DNM3: variants seen among roughly 807,000 people sequenced by gnomAD.
DNM3 encodes dynamin 3.
Under a neutral mutation model 101.6 loss-of-function variants are expected in DNM3, and 47 were observed. That is an observed-to-expected ratio of 0.46 (90% confidence interval 0.37 to 0.59). The LOEUF is 0.59. Ranked by LOEUF, DNM3 falls within the 20% of genes least tolerant of loss-of-function variation. The pLI, the probability that DNM3 is intolerant of heterozygous loss-of-function variation, is 0.00. For synonymous variants in DNM3, 385 were observed against 387.9 expected, an observed-to-expected ratio of 0.99 and a Z score of 0.09; for missense variants, 849 against 1,085.7, an observed-to-expected ratio of 0.78 and a Z score of 3.06.
chr1:172,268,960 G>A (rs2062976962), intron 15 of DNM3, among the ~76,000 whole-genome samples: 1 of 152,134 alleles, frequency 6.6e-6, no homozygotes, highest in Non-Finnish European at 1.5e-5. Flanking sequence ...CATTTTTCTA[G>A]GGGAATCAGG....
rs2059338559 is a variant in DNM3, at chr1:172,181,384, ACACAC to A, written c.1659+50097_1659+50101del. On this transcript the variant is annotated intron_variant, in intron 14 of 20. Coordinates refer to ENST00000627582, the MANE Select transcript of DNM3 (RefSeq NM_015569.5). ...TTAAAACACTTGAGTTTACACACAC[ACACAC>A]ACACACACACACACACACACACACA... Among the ~76,000 whole-genome samples the A allele has an allele frequency of 1.0e-4, 9 of 87,744 alleles. No individual in the cohort carries two copies. The African/African-American group carries it at 1.5e-3, about 14-fold the overall frequency. The allele number at this position is 87,744 out of a possible 152,430, so 57.6% of individuals were successfully genotyped here.
Position 172,022,687 on chromosome 1 carries a change from C to A in DNM3, c.590-9715C>A, listed in dbSNP as rs548160450. ...TTTCCAGAGGCTACCACTTACAATT[C>A]TTTTAGCTATTGATTTTGATAGTTA... On this transcript the variant is annotated intron_variant, in intron 4 of 20. Coordinates refer to ENST00000627582, the MANE Select transcript of DNM3 (RefSeq NM_015569.5). 4.3e-4 allele frequency among the ~76,000 whole-genome samples: 65 copies of A among 152,058 alleles called. 1 individual carries two copies. The highest frequency in any genetic ancestry group is 1.3e-4 in the Non-Finnish European group (9 of 67,890).
chr1:172,364,472 C>A lies in DNM3; in HGVS notation c.1894-14546C>A, dbSNP rs2067904811. The stretch of plus-strand genomic sequence containing the variant: ...GTGGAAGAGCACATTAAATGATATG[C>A]AGGGGATGCAATCAGCCAAATCCAC... On this transcript the variant is annotated intron_variant, in intron 17 of 20. Transcript: ENST00000627582. 2.0e-5 allele frequency among the ~76,000 whole-genome samples: 3 copies of A among 151,664 alleles called. No individual in the cohort carries two copies. The South Asian group carries it at 6.2e-4, about 32-fold the overall frequency.
At chr1:171,957,553 C>A (rs571564964) in intron 2 of DNM3, among the ~76,000 whole-genome samples, 8 of 152,262 alleles carry the variant, frequency 5.3e-5, no homozygotes, top group African/African-American at 1.9e-4. Context: ...AACTTTTATG[C>A]TCTGTTTCCC....
intron 4 of DNM3, among the ~76,000 whole-genome samples, chr1:172,019,237 G>A (rs1350791466): frequency 6.7e-6 from 1 of 148,634 alleles, no homozygotes; most frequent in African/African-American, 2.5e-5. Flanking sequence ...GAGTACTGGT[G>A]CACCAGGATC....
chr1:172,247,169 C>T (rs528334736), intron 14 of DNM3, among the ~76,000 whole-genome samples: 2 of 152,124 alleles, frequency 1.3e-5, no homozygotes, highest in South Asian at 4.2e-4. Flanking sequence ...AGTGGTACTT[C>T]GCGTGTGGTC....
At chr1:172,142,489 T>C (rs2148167310) in intron 14 of DNM3, among the ~76,000 whole-genome samples, 1 of 152,192 alleles carries the variant, frequency 6.6e-6, no homozygotes, top group Non-Finnish European at 1.5e-5. Context: ...ACATCAAGCA[T>C]GTGCAGGAAC....
chr1:172,370,001 C>T (rs1372235773), intron 17 of DNM3, among the ~76,000 whole-genome samples: 1 of 151,790 alleles, frequency 6.6e-6, no homozygotes, highest in African/African-American at 2.4e-5. Context: ...TGGATTAGGG[C>T]CCACCCTAAT....
chr1:172,338,772 T>G, intron 17 of DNM3: 1 of 475,688 alleles, frequency 2.1e-6, no homozygotes, highest in Non-Finnish European at 4.2e-6. Flanking sequence ...TGTACTTTTC[T>G]GCTAAGTAGC....
At chr1:171,998,185 G>T (rs922192855) in intron 4 of DNM3, among the ~76,000 whole-genome samples, 1 of 152,044 alleles carries the variant, frequency 6.6e-6, no homozygotes, top group African/African-American at 2.4e-5. Flanking sequence ...ACTTTATTCA[G>T]CGATAATCAT....
chr1:171,912,860 T>C (rs1237336521), intron 1 of DNM3, among the ~76,000 whole-genome samples: 1 of 152,194 alleles, frequency 6.6e-6, no homozygotes, highest in Non-Finnish European at 1.5e-5. Context: ...CCAGTGATCT[T>C]TTTACTAGTG....
intron 11 of DNM3, among the ~76,000 whole-genome samples, chr1:172,070,152 C>CT (rs1407568527): frequency 2.0e-5 from 3 of 152,294 alleles, no homozygotes; most frequent in African/African-American, 7.2e-5. Flanking sequence ...ATAGTTTTCA[C>CT]TTGTTTACCA....
At chr1:172,003,395 A>C (rs2046471813) in intron 4 of DNM3, among the ~76,000 whole-genome samples, 1 of 152,048 alleles carries the variant, frequency 6.6e-6, no homozygotes, top group South Asian at 2.1e-4. Flanking sequence ...CCATCCCCAG[A>C]ATATATAATT....
At chr1:172,224,152 G>A (rs2061016981) in intron 14 of DNM3, among the ~76,000 whole-genome samples, 1 of 152,052 alleles carries the variant, frequency 6.6e-6, no homozygotes, top group African/African-American at 2.4e-5. Context: ...CAGCCTGATA[G>A]GCTATTCTGC....
intron 11 of DNM3, among the ~76,000 whole-genome samples, chr1:172,076,946 G>C (rs1344614217): frequency 6.6e-6 from 1 of 152,080 alleles, no homozygotes; most frequent in East Asian, 1.9e-4. Context: ...ATCTGGTCCT[G>C]GGCTTTTTTT....
chr1:172,015,323 T>C (rs184356473), intron 4 of DNM3, among the ~76,000 whole-genome samples: 1 of 152,314 alleles, frequency 6.6e-6, no homozygotes, highest in Admixed American at 6.5e-5. Context: ...GGGATTTTGA[T>C]TGAGATTTCA....
chr1:172,030,735 G>A (rs1178831744), intron 4 of DNM3, among the ~76,000 whole-genome samples: 1 of 152,050 alleles, frequency 6.6e-6, no homozygotes, highest in Admixed American at 6.6e-5. Context: ...TCAAAAAGTG[G>A]GCAAAGGTTA....
chr1:172,227,822 G>A (rs1434799621), intron 14 of DNM3, among the ~76,000 whole-genome samples: 1 of 152,064 alleles, frequency 6.6e-6, no homozygotes, highest in South Asian at 2.1e-4. Flanking sequence ...CCAGCCAATG[G>A]TGTATAAAAA....
intron 15 of DNM3, among the ~76,000 whole-genome samples, chr1:172,304,535 A>C (rs1013764448): frequency 6.6e-6 from 1 of 152,182 alleles, no homozygotes; most frequent in African/African-American, 2.4e-5. Flanking sequence ...AAGAAGACCT[A>C]ATAGACATCT....
Sources: allele counts gnomAD v4.1 joint callset (sites outside exome capture counted in the v4.1 genomes callset), GRCh38; gene constraint gnomAD v4.1.1; transcripts MANE v1.5; gene names NCBI Gene and HGNC (gene_info 2026-07-23, HGNC 2026-07-21).